Variants in ST3GAL6 observed in about 807,000 individuals in gnomAD.
ST3GAL6 encodes type 2 lactosamine alpha-2,3-sialyltransferase.
Under a neutral mutation model 40.5 loss-of-function variants are expected in ST3GAL6, and 31 were observed. The ratio of observed to expected loss-of-function variants is 0.77; its 90% CI spans 0.58 to 1.03. The LOEUF (loss-of-function observed/expected upper bound fraction) is 1.03, where lower values mean the gene tolerates loss of function less well. Ranked by LOEUF, ST3GAL6 falls within the 50% of genes least tolerant of loss-of-function variation. ST3GAL6 has a pLI of 0.00. For missense variants in ST3GAL6, 357 were observed against 393.2 expected, an observed-to-expected ratio of 0.91 and a Z score of 0.78; for synonymous variants, 129 against 136.9, an observed-to-expected ratio of 0.94 and a Z score of 0.40.
intron 1 of ST3GAL6, among the ~76,000 whole-genome samples, chr3:98,754,567 G>A (rs1206799867): frequency 1.3e-5 from 2 of 152,192 alleles, no homozygotes; most frequent in Non-Finnish European, 2.9e-5. Context: ...GGCAGGGTTC[G>A]AGAGGATTGA....
At chr3:98,736,877 A>G (rs1351865729) in intron 1 of ST3GAL6, among the ~76,000 whole-genome samples, 1 of 152,168 alleles carries the variant, frequency 6.6e-6, no homozygotes, top group Non-Finnish European at 1.5e-5. Flanking sequence ...TTAAGACAAT[A>G]TGTAGTTAAA....
chr3:98,793,296 A>G (rs1362654505), intron 9 of ST3GAL6, among the ~76,000 whole-genome samples: 1 of 152,224 alleles, frequency 6.6e-6, no homozygotes, highest in African/African-American at 2.4e-5. Flanking sequence ...TGAACCAGGC[A>G]TTATAATAGT....
At position 98,777,429 on chromosome 3, in the gene ST3GAL6, T is replaced by C. The variant is rs576459340; in HGVS notation, c.335+3446T>C. ...CTCCTCCCCCTCCCCCAGAACTGAT[T>C]GTTAAACATTGACTAGCAACCACTG... On this transcript the variant is annotated intron_variant, in intron 5 of 9. Coordinates refer to ENST00000483910, the MANE Select transcript of ST3GAL6 (RefSeq NM_001323368.2). Among the ~76,000 whole-genome samples, 13 of 152,310 alleles carry C rather than the reference T, an allele frequency of 8.5e-5. No individual in the cohort carries two copies. The East Asian group carries it at 2.1e-3, about 25-fold the overall frequency.
intron 5 of ST3GAL6, 35 bp from the exon 6 acceptor site, chr3:98,784,910 T>TG (rs1940540810): frequency 3.9e-6 from 6 of 1,541,192 alleles, no homozygotes; most frequent in Non-Finnish European, 5.4e-6. Flanking sequence ...TTGTAAAAGA[T>TG]GGCTCAATCT....
intron 1 of ST3GAL6, among the ~76,000 whole-genome samples, chr3:98,764,309 A>T (rs1938102618): frequency 6.6e-6 from 1 of 152,106 alleles, no homozygotes; most frequent in African/African-American, 2.4e-5. Flanking sequence ...GCATTAGGGG[A>T]GTCTAAAAAA....
intron 2 of ST3GAL6, among the ~76,000 whole-genome samples, chr3:98,769,108 C>T (rs1215780750): frequency 3.3e-5 from 5 of 152,252 alleles, no homozygotes; most frequent in East Asian, 1.9e-4. Flanking sequence ...AAATCCCAAG[C>T]GGGTGGCAGT....
At chr3:98,748,933 G>A (rs1936768859) in intron 1 of ST3GAL6, among the ~76,000 whole-genome samples, 1 of 152,146 alleles carries the variant, frequency 6.6e-6, no homozygotes, top group Non-Finnish European at 1.5e-5. Flanking sequence ...ATCCTTCAGA[G>A]ACACTTCCTG....
chr3:98,749,729 T>A (rs1467426795), intron 1 of ST3GAL6, among the ~76,000 whole-genome samples: 1 of 152,200 alleles, frequency 6.6e-6, no homozygotes, highest in Non-Finnish European at 1.5e-5. Flanking sequence ...CCCCCTTAGT[T>A]GTAGTTTTAT....
chr3:98,737,287 G>A (rs533823575), intron 1 of ST3GAL6, among the ~76,000 whole-genome samples: 1 of 152,238 alleles, frequency 6.6e-6, no homozygotes, highest in Admixed American at 6.5e-5. Flanking sequence ...CTGAATTCAG[G>A]TGATCCGCCC....
At chr3:98,777,224 C>T (rs1002333819) in intron 5 of ST3GAL6, among the ~76,000 whole-genome samples, 1 of 152,230 alleles carries the variant, frequency 6.6e-6, no homozygotes, top group Admixed American at 6.5e-5. Flanking sequence ...TCCCATATAA[C>T]ACTTCCTTAC....
chr3:98,753,259 T>G (rs1937164958), intron 1 of ST3GAL6, among the ~76,000 whole-genome samples: 1 of 152,222 alleles, frequency 6.6e-6, no homozygotes, highest in African/African-American at 2.4e-5. Flanking sequence ...AAAATTTTCT[T>G]GAGCCAAAGC....
intron 1 of ST3GAL6, among the ~76,000 whole-genome samples, chr3:98,744,468 T>G (rs1001885285): frequency 6.6e-6 from 1 of 152,198 alleles, no homozygotes; most frequent in Non-Finnish European, 1.5e-5. Flanking sequence ...CTGCCTCTCT[T>G]GCTTCTGCTT....
intron 3 of ST3GAL6, among the ~76,000 whole-genome samples, chr3:98,771,341 T>A (rs1244325671): frequency 6.6e-6 from 1 of 152,220 alleles, no homozygotes; most frequent in Non-Finnish European, 1.5e-5. Context: ...ACTTTTTGAG[T>A]AGAAATTTTC....
chr3:98,770,835 G>A (rs764326128), intron 2 of ST3GAL6, 44 bp from the exon 3 acceptor site: 28 of 1,567,328 alleles, frequency 1.8e-5, no homozygotes, highest in Non-Finnish European at 2.4e-5. Context: ...TTTGGGCAGG[G>A]TGCCCGATTC....
chr3:98,791,782 T>C (rs1941225484), intron 8 of ST3GAL6, 59 bp from the exon 9 acceptor site: 2 of 1,470,948 alleles, frequency 1.4e-6, no homozygotes, highest in South Asian at 2.6e-5. Context: ...CAACCAAATA[T>C]GCTTTGGTAA....
At chr3:98,739,389 A>T (rs1935859088) in intron 1 of ST3GAL6, among the ~76,000 whole-genome samples, 1 of 140,088 alleles carries the variant, frequency 7.1e-6, no homozygotes, top group Non-Finnish European at 1.6e-5. Flanking sequence ...ACAAACAAAC[A>T]AAAAAAAAAC....
At chr3:98,748,138 A>G (rs1936705718) in intron 1 of ST3GAL6, among the ~76,000 whole-genome samples, 1 of 152,236 alleles carries the variant, frequency 6.6e-6, no homozygotes, top group Non-Finnish European at 1.5e-5. Context: ...TCATGATGTC[A>G]TTCTGTGCAA....
chr3:98,778,092 C>T (rs1341910333), intron 5 of ST3GAL6, among the ~76,000 whole-genome samples: 1 of 152,216 alleles, frequency 6.6e-6, no homozygotes, highest in East Asian at 1.9e-4. Flanking sequence ...CAACCACCAA[C>T]ATTCCTTCTG....
intron 1 of ST3GAL6, among the ~76,000 whole-genome samples, chr3:98,745,281 C>A (rs1254158146): frequency 6.6e-6 from 1 of 151,998 alleles, no homozygotes; most frequent in Admixed American, 6.6e-5. Flanking sequence ...TGATCCACCC[C>A]CCTTGACCTC....
Sources: allele counts gnomAD v4.1 joint callset (sites outside exome capture counted in the v4.1 genomes callset), GRCh38; gene constraint gnomAD v4.1.1; transcripts MANE v1.5; gene names NCBI Gene and HGNC (gene_info 2026-07-23, HGNC 2026-07-21).